The following AMBRA1 variants were observed in gnomAD, a reference collection of about 807,000 sequenced individuals.
The protein encoded by AMBRA1 is activating molecule in BECN1-regulated autophagy protein 1.
A neutral mutation model predicts 125.4 loss-of-function variants in AMBRA1; 47 were observed. The observed-to-expected ratio is 0.37, with a 90% CI of 0.30 to 0.48. The LOEUF (loss-of-function observed/expected upper bound fraction) is 0.48, where lower values mean the gene tolerates loss of function less well. Ranked by LOEUF, AMBRA1 falls within the 20% of genes least tolerant of loss-of-function variation. The probability of loss-of-function intolerance (pLI) is 0.99; values close to 1 mark genes in which losing one functional copy is unlikely to be tolerated. For missense variants in AMBRA1, 1,331 were observed against 1,693.4 expected (o/e 0.79, Z 3.76); for synonymous variants, 626 against 655.5 (o/e 0.95, Z 0.69).
intron 7 of AMBRA1, among the ~76,000 whole-genome samples, chr11:46,525,471 G>A (rs1471730304): frequency 2.0e-5 from 3 of 151,606 alleles, no homozygotes; most frequent in Admixed American, 6.6e-5. Context: ...AAGTCTGGGC[G>A]CGGTGGCTCA....
chr11:46,411,099 CAAAAAAAAAAAAAAAG>C (rs1182369576), intron 15 of AMBRA1, among the ~76,000 whole-genome samples: 1 of 60,190 alleles, frequency 1.7e-5, no homozygotes, highest in Non-Finnish European at 3.2e-5. Context: ...GACTCTGTCT[CAAAAAAAAAAAAAAAG>C]AAAAAAAAAA....
At chr11:46,471,390 A>C (rs919359456) in intron 11 of AMBRA1, among the ~76,000 whole-genome samples, 13 of 151,972 alleles carry the variant, frequency 8.6e-5, no homozygotes, top group Admixed American at 8.5e-4. Context: ...CACCCTAGCT[A>C]ACACGGTGAA....
chr11:46,459,304 G>C (rs998559510), intron 11 of AMBRA1, among the ~76,000 whole-genome samples: 7 of 152,126 alleles, frequency 4.6e-5, no homozygotes, highest in Non-Finnish European at 7.4e-5. Context: ...TGGAGAATGG[G>C]GTTGGAAGAG....
At chr11:46,470,722 C>T (rs1949554001) in intron 11 of AMBRA1, among the ~76,000 whole-genome samples, 1 of 151,996 alleles carries the variant, frequency 6.6e-6, no homozygotes, top group African/African-American at 2.4e-5. Context: ...ATGTCTGCAC[C>T]ACCATACTCC....
intron 7 of AMBRA1, among the ~76,000 whole-genome samples, chr11:46,533,077 C>T (rs570683890): frequency 7.2e-5 from 11 of 152,092 alleles, no homozygotes; most frequent in Admixed American, 3.9e-4. Flanking sequence ...GCACGAGAAT[C>T]GCTTGAGCCC....
rs186420206 is a variant in AMBRA1, at chr11:46,510,508, G to A, written c.2160-2138C>T. On this transcript the variant is annotated intron_variant, in intron 8 of 17. Transcript: ENST00000683756. ...AAAGAAGACCCTTTTATTTGGAACC[G>A]ATTCTGAAAAGTGATAAGTACACTT... 2.4e-3 allele frequency among the ~76,000 whole-genome samples: 366 copies of A among 152,278 alleles called. 1 individual carries two copies. The highest frequency in any genetic ancestry group is 6.8e-3 in the Middle Eastern group (2 of 294).
In AMBRA1 at chr11:46,575,277, G is replaced by T. The variant is rs112899549; in HGVS notation, c.-121+18551C>A. 7.6e-3 allele frequency among the ~76,000 whole-genome samples: 1,161 copies of T among 152,024 alleles called. 17 individuals are homozygous for T. Among genetic ancestry groups the T allele is most frequent in the African/African-American group, 0.026 (1,078 of 41,468 alleles). On this transcript the variant is annotated intron_variant, in intron 1 of 17. Coordinates refer to ENST00000683756, the MANE Select transcript of AMBRA1 (RefSeq NM_001387011.1). Reference sequence around the variant, plus strand: ...GTTCGAGATCGGCCTGACCAACATGGTGTAATCCCATCTCTACTAAAAACA... The same window carrying T: ...GTTCGAGATCGGCCTGACCAACATGTTGTAATCCCATCTCTACTAAAAACA...
rs745800164 is a variant in AMBRA1 at position 46,397,455 on chromosome 11, T to C, written c.3892A>G (p.Arg1298Gly). 6.6e-7 allele frequency: 1 copy of C among 1,504,672 alleles called. No homozygotes were observed. The highest frequency in any genetic ancestry group is 8.9e-7 in the Non-Finnish European group (1 of 1,125,328). The allele number at this position is 1,504,672 out of a possible 1,614,324, so 93.2% of individuals were successfully genotyped here. The change falls in exon 18 of 18, where the codon AGG becomes GGG. Residue 1298 changes from arginine to glycine, a missense_variant. Physicochemically the swap from Arg to Gly is moderately radical, Grantham distance 125. Around this residue, in one of 4 missense-constraint regions of AMBRA1, gnomAD observed 144 missense variants for 133.9 expected, o/e 1.08. Coordinates refer to ENST00000683756, the MANE Select transcript of AMBRA1 (RefSeq NM_001387011.1). ...AAGPRGEPRNR is the reference protein window; with the variant it reads ...AAGPRGEPRNG ...CACCAGTGCAACGTTTGTCTCTACC[T>C]GTTCCGTGGTTCTCCCCTAGGGCCT... is the stretch of plus-strand genomic sequence containing the variant.
intron 1 of AMBRA1, among the ~76,000 whole-genome samples, chr11:46,583,743 A>G (rs1565324783): frequency 1.3e-5 from 2 of 151,710 alleles, no homozygotes; most frequent in African/African-American, 4.8e-5. Context: ...AAAAGAAGAC[A>G]TTTATGCAGC....
At chr11:46,497,583 T>C (rs1228344364) in intron 9 of AMBRA1, among the ~76,000 whole-genome samples, 1 of 152,182 alleles carries the variant, frequency 6.6e-6, no homozygotes, top group East Asian at 1.9e-4. Context: ...TATGAGATGC[T>C]GCCTATGGGA....
chr11:46,492,879 C>A (rs1349650938), intron 11 of AMBRA1, among the ~76,000 whole-genome samples: 2 of 152,172 alleles, frequency 1.3e-5, no homozygotes, highest in Non-Finnish European at 2.9e-5. Context: ...GAAACCCCCT[C>A]TCTACTAAAA....
intron 1 of AMBRA1, among the ~76,000 whole-genome samples, chr11:46,570,067 C>A (rs2043700101): frequency 6.6e-6 from 1 of 152,010 alleles, no homozygotes; most frequent in Non-Finnish European, 1.5e-5. Context: ...TCAAGACCAG[C>A]CTGGCCAACA....
At chr11:46,590,445 C>T (rs1025808063) in intron 1 of AMBRA1, among the ~76,000 whole-genome samples, 1 of 151,044 alleles carries the variant, frequency 6.6e-6, no homozygotes, top group African/African-American at 2.4e-5. Context: ...GCCTGAGCAA[C>T]ATAGGGAGAC....
At chr11:46,551,599 G>A (rs571494469) in intron 1 of AMBRA1, among the ~76,000 whole-genome samples, 5 of 152,306 alleles carry the variant, frequency 3.3e-5, no homozygotes, top group South Asian at 2.1e-4. Flanking sequence ...CACCAGGCGC[G>A]ATGGCTCACG....
At chr11:46,506,940 C>T (rs1360913161) in intron 9 of AMBRA1, among the ~76,000 whole-genome samples, 5 of 149,374 alleles carry the variant, frequency 3.3e-5, no homozygotes, top group East Asian at 2.0e-4. Flanking sequence ...CCAAGGCAGG[C>T]GGATCACAAG....
At chr11:46,495,059 T>C (rs531051405) in intron 9 of AMBRA1, 5 of 152,358 alleles carry the variant, frequency 3.3e-5, no homozygotes, top group East Asian at 1.9e-4. Flanking sequence ...TCAAGGAAGA[T>C]TGGACTTTGA....
intron 1 of AMBRA1, among the ~76,000 whole-genome samples, chr11:46,570,302 C>T (rs2043710642): frequency 6.8e-6 from 1 of 148,080 alleles, no homozygotes; most frequent in African/African-American, 2.5e-5. Context: ...AGGTCTTCTG[C>T]AGCTACTCTA....
intron 9 of AMBRA1, among the ~76,000 whole-genome samples, chr11:46,507,208 G>A (rs1280519621): frequency 1.4e-5 from 2 of 142,370 alleles, no homozygotes; most frequent in Admixed American, 7.1e-5. Context: ...GGCTTGGCAC[G>A]GTGGGTCACG....
intron 17 of AMBRA1, among the ~76,000 whole-genome samples, chr11:46,406,881 T>C (rs2136608219): frequency 7.2e-6 from 1 of 139,206 alleles, no homozygotes; most frequent in South Asian, 2.3e-4. Context: ...AGACTCCATC[T>C]CAAAAAATAA....
Sources: allele counts gnomAD v4.1 joint callset (sites outside exome capture counted in the v4.1 genomes callset), GRCh38; gene constraint gnomAD v4.1.1; regional missense constraint gnomAD v4.1.1; transcripts MANE v1.5; gene names NCBI Gene and HGNC (gene_info 2026-07-23, HGNC 2026-07-21).